Variants in RGS12 observed in about 807,000 individuals in gnomAD.
The protein encoded by RGS12 is regulator of G protein signaling 12.
RGS12 carries 66 observed loss-of-function variants against 120.1 expected under a neutral mutation model. The observed-to-expected ratio is 0.55, with a 90% CI of 0.45 to 0.67. The LOEUF (loss-of-function observed/expected upper bound fraction) is 0.67. Ranked by LOEUF, RGS12 falls within the 30% of genes least tolerant of loss-of-function variation. The probability of loss-of-function intolerance (pLI) is 0.00; values close to 1 mark genes in which losing one functional copy is unlikely to be tolerated. For synonymous variants in RGS12, 827 were observed against 804.7 expected (o/e 1.03, Z -0.47); for missense variants, 1,859 against 1,957.7 (o/e 0.95, Z 0.95).
chr4:3,325,722 A>G (rs1375408681), intron 2 of RGS12, among the ~76,000 whole-genome samples: 2 of 152,150 alleles, frequency 1.3e-5, no homozygotes, highest in Admixed American at 1.3e-4. Context: ...CCCAAATCAG[A>G]CAAGGACACA....
At chr4:3,360,302 T>G (rs1715435361) in intron 3 of RGS12, among the ~76,000 whole-genome samples, 1 of 152,204 alleles carries the variant, frequency 6.6e-6, no homozygotes, top group Admixed American at 6.5e-5. Flanking sequence ...TGTTGATCCT[T>G]TCAAAGAACC....
chr4:3,419,020 C>CAAAAAAAAAAAAAAAA (rs1275310231), intron 9 of RGS12: 1 of 64,088 alleles, frequency 1.6e-5, no homozygotes, highest in Non-Finnish European at 3.3e-5. Context: ...ACTAAAAATC[C>CAAAAAAAAAAAAAAAA]AAAAAAAAAA....
At chr4:3,353,056 G>T (rs138177710) in intron 3 of RGS12, among the ~76,000 whole-genome samples, 9 of 152,344 alleles carry the variant, frequency 5.9e-5, no homozygotes, top group Non-Finnish European at 1.2e-4. Context: ...TCCAGAGTGC[G>T]TGTGGTGTGC....
intron 17 of RGS12, chr4:3,431,347 ACAATAG>A: frequency 1.9e-6 from 2 of 1,059,936 alleles, no homozygotes; most frequent in Non-Finnish European, 2.3e-6. Flanking sequence ...AGACTGGAAA[ACAATAG>A]CATTTGTCTT....
chr4:3,408,334 G>A (rs908793442), intron 4 of RGS12, among the ~76,000 whole-genome samples: 4 of 152,222 alleles, frequency 2.6e-5, no homozygotes, highest in Non-Finnish European at 4.4e-5. Flanking sequence ...GCTGTGAATT[G>A]TGAAATCCAT....
At chr4:3,386,537 G>A (rs1560135993) in intron 4 of RGS12, 100 bp downstream of exon 4, 1 of 1,056,688 alleles carries the variant, frequency 9.5e-7, no homozygotes, top group South Asian at 1.4e-5. Context: ...AGGACGGGTT[G>A]TTTGCCTTTC....
chr4:3,362,968 CAT>C lies in RGS12; in HGVS notation c.1998+19916_1998+19917del, dbSNP rs1411142581. 1.3e-3 allele frequency among the ~76,000 whole-genome samples: 147 copies of C among 109,110 alleles called. 1 individual carries two copies. Among genetic ancestry groups the C allele is most frequent in the African/African-American group, 5.1e-3 (141 of 27,654 alleles). 71.6% of individuals were successfully genotyped at this position (109,110 alleles called of 152,430 possible). A position where few individuals can be genotyped will look rare whatever the true frequency, so the allele number is the denominator to read the frequency against. ...GTGTGCACGTGCCAGTGTGTGAAGG[CAT>C]GTGTGTGAGGGTGTGTATATGTGTG... On this transcript the variant is annotated intron_variant, in intron 3 of 17. Coordinates refer to ENST00000336727, the MANE Select transcript of RGS12 (RefSeq NM_001394154.1).
intron 9 of RGS12, chr4:3,418,361 G>A (rs923633482): frequency 6.6e-6 from 1 of 152,332 alleles, no homozygotes; most frequent in African/African-American, 2.4e-5. Flanking sequence ...GAACTGGGAA[G>A]ATTTTCTTCT....
At chr4:3,388,622 C>A (rs1560137993) in intron 4 of RGS12, among the ~76,000 whole-genome samples, 1 of 152,090 alleles carries the variant, frequency 6.6e-6, no homozygotes, top group African/African-American at 2.4e-5. Context: ...CCCCATGGTC[C>A]TGGAGAGTCC....
At chr4:3,329,091 T>C (rs1711541388) in intron 2 of RGS12, among the ~76,000 whole-genome samples, 1 of 152,184 alleles carries the variant, frequency 6.6e-6, no homozygotes, top group South Asian at 2.1e-4. Flanking sequence ...AAGACCGAGC[T>C]GCACACTGCG....
At chr4:3,291,132 A>C (rs1410924805), upstream of RGS12, among the ~76,000 whole-genome samples, 1 of 152,152 alleles carries the variant, frequency 6.6e-6, no homozygotes, top group Non-Finnish European at 1.5e-5. Context: ...TAGAGGAAAA[A>C]GCCAAAGGGA....
At chr4:3,290,683 C>A (rs541238571), upstream of RGS12, among the ~76,000 whole-genome samples, 12 of 152,196 alleles carry the variant, frequency 7.9e-5, no homozygotes, top group Non-Finnish European at 1.5e-4. Context: ...CTGGCAGGCA[C>A]GGAAGAGCAG....
intron 2 of RGS12, among the ~76,000 whole-genome samples, chr4:3,326,006 A>T (rs1725531676): frequency 6.6e-6 from 1 of 152,208 alleles, no homozygotes; most frequent in South Asian, 2.1e-4. Context: ...AACAAAATAT[A>T]GAAGGAATAT....
rs756229349 is a variant in RGS12 at position 3,317,329 on chromosome 4, T to G, written c.1159T>G (p.Ser387Ala). 3.1e-6 allele frequency: 5 copies of G among 1,614,126 alleles called. No homozygotes were observed. Among genetic ancestry groups the G allele is most frequent in the Non-Finnish European group, 4.2e-6 (5 of 1,180,032 alleles). ...CTCCCTCCCCGTCCTGCAGTTCATC[T>G]CTGTCCTGTACCGAGACATGGGTGA... ...ASSLPVLQFI[S>A]VLYRDMGELI... The change falls in exon 2 of 18, where the codon TCT (serine) becomes GCT (alanine). Residue 387 changes from serine to alanine, a missense_variant. Coordinates refer to ENST00000336727, the MANE Select transcript of RGS12 (RefSeq NM_001394154.1).
intron 3 of RGS12, among the ~76,000 whole-genome samples, chr4:3,363,982 G>A (rs929679927): frequency 2.6e-5 from 4 of 152,182 alleles, no homozygotes; most frequent in Non-Finnish European, 5.9e-5. Context: ...GCCGGGCACT[G>A]GGAGTCTGGG....
chr4:3,422,782 T>G lies in RGS12; in HGVS notation c.3034-123T>G, dbSNP rs1723165863. 3 of 1,035,854 alleles carry G rather than the reference T, an allele frequency of 2.9e-6. No homozygotes were observed. In the African/African-American group the frequency reaches 4.8e-5, roughly 16 times the overall value. 64.2% of individuals were successfully genotyped at this position (1,035,854 alleles called of 1,614,324 possible). ...TGGTGTGGAAAGGGTGATCGCTTTC[T>G]TTGGATGGCTGTTTTTGAAGCTGCT... On this transcript the variant is annotated intron_variant, in intron 11 of 17. Coordinates refer to ENST00000336727, the MANE Select transcript of RGS12 (RefSeq NM_001394154.1).
Position 3,422,465 on chromosome 4 carries a change from G to A in RGS12, c.2928G>A (p.Val976=). The A allele has an allele frequency of 6.2e-7, 1 of 1,613,192 alleles. No homozygotes were observed. The highest frequency in any genetic ancestry group is 8.5e-7 in the Non-Finnish European group (1 of 1,179,988). The change falls in exon 11 of 18, where the codon GTG becomes GTA. Residue 976 remains valine, a synonymous_variant. Transcript: ENST00000336727. The part of the protein sequence containing the change: ...IHLPDGTSCV[V]AVKAGFSIKD... ...TCCCGGATGGGACATCCTGCGTGGT[G>A]GCTGTCAAGGCGGGCTTCTCCATCA...
chr4:3,381,505 C>T (rs1426335816), intron 3 of RGS12, among the ~76,000 whole-genome samples: 1 of 152,170 alleles, frequency 6.6e-6, no homozygotes, highest in African/African-American at 2.4e-5. Context: ...TTCCACATGG[C>T]TAGGGAGGCC....
intron 3 of RGS12, among the ~76,000 whole-genome samples, chr4:3,369,026 C>T (rs954132963): frequency 6.6e-6 from 1 of 152,106 alleles, no homozygotes; most frequent in Non-Finnish European, 1.5e-5. Flanking sequence ...TGGGGCTGAC[C>T]GGGGGTCCCG....
Sources: gnomAD v4.1 joint callset for allele counts (sites outside exome capture counted in the v4.1 genomes callset) on GRCh38, gnomAD v4.1.1 for gene constraint, MANE v1.5 for transcripts, NCBI Gene and HGNC (gene_info 2026-07-23, HGNC 2026-07-21) for gene names.